CAMK4: variants seen among roughly 807,000 people sequenced by gnomAD.
CAMK4 encodes the protein calcium/calmodulin dependent protein kinase IV, also known as calcium/calmodulin-dependent protein kinase type IV.
A neutral mutation model predicts 44.9 loss-of-function variants in CAMK4; 22 were observed. That is an observed-to-expected ratio of 0.49 (90% CI 0.35 to 0.70). CAMK4 has a LOEUF of 0.70. Among genes scored for constraint, CAMK4 ranks in the 30% least tolerant of loss-of-function variants. The probability of loss-of-function intolerance (pLI) is 0.01; values close to 1 mark genes in which losing one functional copy is unlikely to be tolerated. For missense variants in CAMK4, 498 were observed against 586.8 expected (o/e 0.85, Z 1.56); for synonymous variants, 218 against 215.4 (o/e 1.01, Z -0.11).
chr5:111,374,413 G>A (rs1751131001), intron 2 of CAMK4, among the ~76,000 whole-genome samples: 1 of 152,130 alleles, frequency 6.6e-6, no homozygotes, highest in Admixed American at 6.6e-5. Flanking sequence ...CAATGGCCAG[G>A]GAACAGGATA....
chr5:111,338,844 A>G (rs1456090610), intron 1 of CAMK4, among the ~76,000 whole-genome samples: 1 of 151,322 alleles, frequency 6.6e-6, no homozygotes, highest in Non-Finnish European at 1.5e-5. Flanking sequence ...TACCAGTACT[A>G]TGCTGTTTTG....
chr5:111,381,432 T>A (rs1242057593), intron 4 of CAMK4, among the ~76,000 whole-genome samples: 2 of 152,082 alleles, frequency 1.3e-5, no homozygotes, highest in Non-Finnish European at 2.9e-5. Flanking sequence ...AAATCACTAG[T>A]GTAAGTCCAA....
intron 1 of CAMK4, among the ~76,000 whole-genome samples, chr5:111,293,410 G>A (rs1201803164): frequency 6.6e-6 from 1 of 151,422 alleles, no homozygotes; most frequent in Non-Finnish European, 1.5e-5. Flanking sequence ...CTTTATATTC[G>A]ATGCTTTTAT....
At chr5:111,278,317 T>G (rs1379882874) in intron 1 of CAMK4, among the ~76,000 whole-genome samples, 2 of 152,218 alleles carry the variant, frequency 1.3e-5, no homozygotes, top group African/African-American at 2.4e-5. Flanking sequence ...CTGTAAATGT[T>G]GCATTTCACA....
chr5:111,378,724 A>G (rs1751306673), intron 4 of CAMK4, among the ~76,000 whole-genome samples: 1 of 152,166 alleles, frequency 6.6e-6, no homozygotes. Flanking sequence ...TTCTGGCAGC[A>G]GTTGTTTTTT....
intron 2 of CAMK4, among the ~76,000 whole-genome samples, chr5:111,347,043 T>G (rs1749902498): frequency 6.6e-6 from 1 of 151,976 alleles, no homozygotes; most frequent in Non-Finnish European, 1.5e-5. Flanking sequence ...ATGGAGGTTA[T>G]GCATTGGTTT....
At position 111,265,551 on chromosome 5, in the gene CAMK4, T is replaced by G. The variant is rs185653547; in HGVS notation, c.161+40907T>G. On this transcript the variant is annotated intron_variant, in intron 1 of 10. Transcript: ENST00000282356. ...CTTCTCTCATTTTACATATATTATT[T>G]TTCACTTTATTAAGGCTTTATCCAG... Among the ~76,000 whole-genome samples, 5 of 152,334 alleles carry G rather than the reference T, an allele frequency of 3.3e-5. No homozygotes were observed. In the East Asian group the frequency reaches 9.6e-4, roughly 29 times the overall value.
chr5:111,267,401 G>T (rs1750295290), intron 1 of CAMK4, among the ~76,000 whole-genome samples: 1 of 152,212 alleles, frequency 6.6e-6, no homozygotes, highest in South Asian at 2.1e-4. Flanking sequence ...TATTACATCT[G>T]TGTTTTCCTT....
At chr5:111,374,539 G>T (rs1280039442) in intron 2 of CAMK4, among the ~76,000 whole-genome samples, 1 of 152,138 alleles carries the variant, frequency 6.6e-6, no homozygotes, top group Non-Finnish European at 1.5e-5. Flanking sequence ...AGACAAAGAA[G>T]AAGGATAGGT....
chr5:111,325,394 G>A (rs758474130), intron 1 of CAMK4, among the ~76,000 whole-genome samples: 2 of 151,914 alleles, frequency 1.3e-5, no homozygotes, highest in Non-Finnish European at 2.9e-5. Context: ...AGGATTGCCG[G>A]GTCAAATGGT....
intron 5 of CAMK4, among the ~76,000 whole-genome samples, chr5:111,438,966 C>T (rs1206193696): frequency 6.6e-6 from 1 of 152,190 alleles, no homozygotes; most frequent in South Asian, 2.1e-4. Context: ...CTGCATCCCA[C>T]CTGACCACAG....
chr5:111,422,104 A>G (rs754368867), intron 5 of CAMK4, among the ~76,000 whole-genome samples: 38 of 152,220 alleles, frequency 2.5e-4, no homozygotes, highest in Non-Finnish European at 4.9e-4. Flanking sequence ...GGACTAATAC[A>G]GACATCTTAA....
At chr5:111,327,008 A>T (rs528541872) in intron 1 of CAMK4, among the ~76,000 whole-genome samples, 12 of 150,028 alleles carry the variant, frequency 8.0e-5, no homozygotes, top group East Asian at 2.0e-4. Flanking sequence ...TTTTTTTTTT[A>T]AATTTTATTA....
In CAMK4 at chr5:111,484,347, G is replaced by T. The variant is rs777904792; in HGVS notation, c.1303G>T (p.Gly435Cys). 6.2e-7 allele frequency: 1 copy of T among 1,613,024 alleles called. No individual in the cohort carries two copies. Among genetic ancestry groups the T allele is most frequent in the South Asian group, 1.1e-5 (1 of 90,916 alleles). The change falls in exon 11 of 11, where the codon GGC becomes TGC. Residue 435 changes from glycine (G) to cysteine (C), a missense_variant. By Grantham distance (159) the Gly-to-Cys change is radical (BLOSUM62 -3). This residue lies in a region of CAMK4 where 143 missense variants were observed against 144.9 expected (regional missense o/e 0.99). Transcript: ENST00000282356. The surrounding 1 kb of genome is among the most constrained non-coding windows in gnomAD (Gnocchi z 5.3). The stretch of plus-strand genomic sequence containing the variant: ...GGTGGCTGACCTGGAACTAGAGGAG[G>T]GCCTAGCAGAGGAGAAGCTGAAGAC... ...IKVADLELEEGLAEEKLKTVE... is the reference protein window; with the variant it reads ...IKVADLELEECLAEEKLKTVE...
At chr5:111,347,775 A>T (rs1202959755) in intron 2 of CAMK4, among the ~76,000 whole-genome samples, 2 of 152,020 alleles carry the variant, frequency 1.3e-5, no homozygotes, top group Non-Finnish European at 2.9e-5. Context: ...CTGCAACAAC[A>T]CAATTTCCAA....
chr5:111,450,342 C>G (rs1014275266), intron 7 of CAMK4, among the ~76,000 whole-genome samples: 1 of 151,782 alleles, frequency 6.6e-6, no homozygotes, highest in East Asian at 1.9e-4. Flanking sequence ...AAAACAAAAA[C>G]AAAGAGAATA....
chr5:111,375,422 G>A (rs1751178006), intron 3 of CAMK4, among the ~76,000 whole-genome samples: 1 of 152,082 alleles, frequency 6.6e-6, no homozygotes, highest in Non-Finnish European at 1.5e-5. Flanking sequence ...AGCCTCTGAG[G>A]CAAAGATCTA....
intron 7 of CAMK4, among the ~76,000 whole-genome samples, chr5:111,454,399 A>G (rs1754344122): frequency 2.0e-5 from 3 of 152,208 alleles, no homozygotes; most frequent in Non-Finnish European, 4.4e-5. Flanking sequence ...GCCCCAGGCT[A>G]TTAATAAACA....
intron 5 of CAMK4, among the ~76,000 whole-genome samples, chr5:111,442,030 TTAAAA>T (rs529415334): frequency 1.5e-3 from 226 of 152,278 alleles, no homozygotes; most frequent in African/African-American, 5.3e-3. Context: ...AAAATCAGTT[TTAAAA>T]TAAAGGGAAG....
Sources: allele counts gnomAD v4.1 joint callset (sites outside exome capture counted in the v4.1 genomes callset), GRCh38; gene constraint gnomAD v4.1.1; regional missense constraint gnomAD v4.1.1; non-coding constraint Gnocchi (gnomAD v3.1); transcripts MANE v1.5; gene names NCBI Gene and HGNC (gene_info 2026-07-23, HGNC 2026-07-21).